The following ADRA1A variants were observed in gnomAD, a reference collection of about 807,000 sequenced individuals.
The protein encoded by ADRA1A is adrenoceptor alpha 1A, also known as alpha-1A adrenergic receptor.
Under a neutral mutation model 29.6 loss-of-function variants are expected in ADRA1A, and 31 were observed. That is an observed-to-expected ratio of 1.05 (90% CI 0.79 to 1.41). The LOEUF (loss-of-function observed/expected upper bound fraction) is 1.41. Ranked by LOEUF, ADRA1A falls within the 40% of genes most tolerant of loss-of-function variation. The pLI is 0.00. For synonymous variants in ADRA1A, 311 were observed against 254.3 expected, an observed-to-expected ratio of 1.22 and a Z score of -2.12; for missense variants, 619 against 601.1, an observed-to-expected ratio of 1.03 and a Z score of -0.31.
chr8:26,859,000 G>T, intron 2 of ADRA1A: 1 of 1,195,226 alleles, frequency 8.4e-7, no homozygotes. Flanking sequence ...CAATATACAG[G>T]AAGGACCTTT....
At chr8:26,771,387 T>C (rs939137251) in intron 2 of ADRA1A, among the ~76,000 whole-genome samples, 1 of 152,134 alleles carries the variant, frequency 6.6e-6, no homozygotes, top group African/African-American at 2.4e-5. Context: ...CTAGCCAGAC[T>C]CACTACACTT....
Position 26,865,549 on chromosome 8 carries a change from G to A in ADRA1A, c.-580C>T, listed in dbSNP as rs1333027195. The A allele has an allele frequency of 2.0e-6, 2 of 992,848 alleles. No homozygotes were observed. The highest frequency in any genetic ancestry group is 2.4e-6 in the Non-Finnish European group (2 of 834,510). The allele number at this position is 992,848 out of a possible 1,614,324, so 61.5% of individuals were successfully genotyped here. On this transcript the variant is annotated 5_prime_UTR_variant, in exon 2 of 3. Transcript: ENST00000380573. This position sits in a 1 kb window ranked among gnomAD's most constrained non-coding sequence, Gnocchi z 7.6. ...TACCTACATTTTGAGCTGCCCCACC[G>A]AAGGCTCCTGCTCTCTCCAGCTTCT...
chr8:26,836,129 G>A (rs1006070902), intron 2 of ADRA1A: 9 of 208,584 alleles, frequency 4.3e-5, no homozygotes, highest in Non-Finnish European at 8.4e-5. Context: ...CACAGAGGTG[G>A]AAGTCCAGGA....
intron 2 of ADRA1A, among the ~76,000 whole-genome samples, chr8:26,845,401 C>T (rs900479100): frequency 6.6e-6 from 1 of 152,170 alleles, no homozygotes; most frequent in Non-Finnish European, 1.5e-5. Context: ...CTATTTCACA[C>T]CCACTAGGAT....
intron 2 of ADRA1A, among the ~76,000 whole-genome samples, chr8:26,773,904 C>A (rs1563241701): frequency 6.6e-6 from 1 of 152,176 alleles, no homozygotes; most frequent in Non-Finnish European, 1.5e-5. Context: ...CTGGCCTCCC[C>A]CTCTCTGTAC....
intron 2 of ADRA1A, among the ~76,000 whole-genome samples, chr8:26,822,832 G>A (rs1563281034): frequency 6.6e-6 from 1 of 152,170 alleles, no homozygotes; most frequent in African/African-American, 2.4e-5. Context: ...GAAGGTGAAG[G>A]GGAAGGAGGC....
Position 26,865,876 on chromosome 8 carries a change from G to A in ADRA1A, c.-686-221C>T, listed in dbSNP as rs557078688. 1.4e-3 allele frequency among the ~76,000 whole-genome samples: 211 copies of A among 150,948 alleles called. No individual in the cohort carries two copies. The highest frequency in any genetic ancestry group is 2.6e-3 in the Non-Finnish European group (175 of 67,674). ...ACTCTACTGAGTCACCTCTGCCCGA[G>A]TTCAGGATCCGAAGCGAAAAACAAA... is the stretch of plus-strand genomic sequence containing the variant. On this transcript the variant is annotated intron_variant, in intron 1 of 2. Transcript: ENST00000380573. The surrounding 1 kb of genome is among the most constrained non-coding windows in gnomAD (Gnocchi z 7.6).
intron 2 of ADRA1A, among the ~76,000 whole-genome samples, chr8:26,850,121 A>C (rs1017832460): frequency 9.2e-5 from 14 of 152,058 alleles, no homozygotes; most frequent in African/African-American, 3.4e-4. Context: ...TCATTAAAGG[A>C]GGCTGCCTTT....
rs1392763343 is a variant in ADRA1A, at chr8:26,841,895, G to C, written c.883+22192C>G. On this transcript the variant is annotated intron_variant, in intron 2 of 2. Transcript: ENST00000380573. The surrounding 1 kb of genome is among the most constrained non-coding windows in gnomAD (Gnocchi z 4.4). Reference sequence around the variant, plus strand: ...AAATTCTCTCTTCTTTTTGTTGCCAGGATTTTATGCTGTGGTGAGTCTCCC... The same window carrying C: ...AAATTCTCTCTTCTTTTTGTTGCCACGATTTTATGCTGTGGTGAGTCTCCC... Among the ~76,000 whole-genome samples the C allele has an allele frequency of 6.6e-6, 1 of 152,128 alleles. No homozygotes were observed. Among genetic ancestry groups the C allele is most frequent in the African/African-American group, 2.4e-5 (1 of 41,418 alleles).
intron 2 of ADRA1A, among the ~76,000 whole-genome samples, chr8:26,820,980 C>T (rs1810130128): frequency 6.6e-6 from 1 of 152,056 alleles, no homozygotes; most frequent in South Asian, 2.1e-4. Flanking sequence ...ACTTCCACCT[C>T]CTGGGTTCAA....
chr8:26,851,228 A>G (rs1346453122), intron 2 of ADRA1A, among the ~76,000 whole-genome samples: 2 of 152,184 alleles, frequency 1.3e-5, no homozygotes, highest in African/African-American at 2.4e-5. Flanking sequence ...AGTGTGCTAA[A>G]CTTCTCACCT....
chr8:26,835,398 T>C (rs1220390395), intron 2 of ADRA1A, among the ~76,000 whole-genome samples: 5 of 152,196 alleles, frequency 3.3e-5, no homozygotes, highest in Non-Finnish European at 7.3e-5. Flanking sequence ...GACTGGGTAA[T>C]TTATAAAGGA....
At chr8:26,852,210 C>T (rs1229247029) in intron 2 of ADRA1A, among the ~76,000 whole-genome samples, 1 of 152,144 alleles carries the variant, frequency 6.6e-6, no homozygotes, top group East Asian at 1.9e-4. Flanking sequence ...TGGATGACAG[C>T]ACTGCCTACC....
chr8:26,865,392 A>T lies in ADRA1A; in HGVS notation c.-423T>A. ...TGGGGGAAGATTCAGCATTCTGCACATGATTCGGAATTCAAAACTCCAGCG... is the reference window on the plus strand; with the variant it reads ...TGGGGGAAGATTCAGCATTCTGCACTTGATTCGGAATTCAAAACTCCAGCG... On this transcript the variant is annotated 5_prime_UTR_variant, in exon 2 of 3. An upstream start codon of the reference 5' UTR is lost. Coordinates refer to ENST00000380573, the MANE Select transcript of ADRA1A (RefSeq NM_000680.4). The surrounding 1 kb of genome is among the most constrained non-coding windows in gnomAD (Gnocchi z 7.6). 3.0e-6 allele frequency: 3 copies of T among 1,010,508 alleles called. No individual in the cohort carries two copies. Among genetic ancestry groups the T allele is most frequent in the Non-Finnish European group, 2.4e-6 (2 of 845,272 alleles). The allele number at this position is 1,010,508 out of a possible 1,614,324, so 62.6% of individuals were successfully genotyped here.
intron 2 of ADRA1A, among the ~76,000 whole-genome samples, chr8:26,791,492 C>T (rs1054346652): frequency 6.6e-6 from 1 of 152,138 alleles, no homozygotes; most frequent in East Asian, 1.9e-4. Flanking sequence ...CCACTGGGTG[C>T]TAAACTCCTA....
intron 2 of ADRA1A, among the ~76,000 whole-genome samples, chr8:26,838,759 T>C (rs1202922917): frequency 1.3e-5 from 2 of 152,238 alleles, no homozygotes; most frequent in African/African-American, 4.8e-5. Flanking sequence ...AAAGGTACTG[T>C]GTGCAAGTCC....
downstream of ADRA1A, among the ~76,000 whole-genome samples, chr8:26,752,669 G>A (rs1019728334): frequency 6.6e-5 from 10 of 152,166 alleles, no homozygotes; most frequent in Non-Finnish European, 1.2e-4. Flanking sequence ...TTTAGCTCCT[G>A]TATTACTATC....
downstream of ADRA1A, among the ~76,000 whole-genome samples, chr8:26,751,538 G>A (rs143064872): frequency 2.0e-5 from 3 of 152,310 alleles, no homozygotes; most frequent in East Asian, 5.8e-4. Flanking sequence ...GGTGTCTGAA[G>A]CAGAGACTTA....
At chr8:26,851,692 C>A (rs1812644805) in intron 2 of ADRA1A, among the ~76,000 whole-genome samples, 1 of 152,030 alleles carries the variant, frequency 6.6e-6, no homozygotes, top group Non-Finnish European at 1.5e-5. Context: ...AAAAGTCTAT[C>A]TTTAAATGAA....
Sources: allele counts gnomAD v4.1 joint callset (sites outside exome capture counted in the v4.1 genomes callset), GRCh38; gene constraint gnomAD v4.1.1; non-coding constraint Gnocchi (gnomAD v3.1); transcripts MANE v1.5; gene names NCBI Gene and HGNC (gene_info 2026-07-23, HGNC 2026-07-21).